KIFAP3: variants seen among roughly 807,000 people sequenced by gnomAD.
KIFAP3 encodes the protein kinesin-associated protein 3.
KIFAP3 carries 68 observed loss-of-function variants against 106.5 expected under a neutral mutation model. The ratio of observed to expected loss-of-function variants is 0.64; its 90% CI spans 0.53 to 0.78. The LOEUF is 0.78. Ranked by LOEUF, KIFAP3 falls within the 30% of genes least tolerant of loss-of-function variation. KIFAP3 has a pLI of 0.00. For synonymous variants in KIFAP3, 320 were observed against 311.5 expected, an observed-to-expected ratio of 1.03 and a Z score of -0.29; for missense variants, 780 against 941.8, an observed-to-expected ratio of 0.83 and a Z score of 2.25.
chr1:169,969,633 G>A (rs572105950), intron 17 of KIFAP3, among the ~76,000 whole-genome samples: 1 of 152,032 alleles, frequency 6.6e-6, no homozygotes, highest in Admixed American at 6.6e-5. Flanking sequence ...TCAGTGACAC[G>A]AACCTATGTC....
chr1:170,004,389 G>A (rs971619474), intron 10 of KIFAP3, among the ~76,000 whole-genome samples: 4 of 152,014 alleles, frequency 2.6e-5, no homozygotes, highest in Non-Finnish European at 4.4e-5. Flanking sequence ...AAAAGACCCC[G>A]CATTGCCAAG....
At chr1:170,070,081 A>T (rs939289717) in intron 1 of KIFAP3, among the ~76,000 whole-genome samples, 30 of 152,118 alleles carry the variant, frequency 2.0e-4, no homozygotes, top group African/African-American at 7.2e-4. Flanking sequence ...CATCAAAAAG[A>T]ATAAAATACT....
intron 18 of KIFAP3, among the ~76,000 whole-genome samples, chr1:169,956,733 C>G (rs978855441): frequency 6.6e-6 from 1 of 151,026 alleles, no homozygotes; most frequent in Admixed American, 6.6e-5. Context: ...TCCTGAGTAG[C>G]TGGGACTACA....
chr1:169,960,935 A>G, intron 18 of KIFAP3, 111 bp downstream of exon 18: 2 of 704,550 alleles, frequency 2.8e-6, no homozygotes, highest in South Asian at 4.6e-5. Context: ...TTAGCAGACC[A>G]TTCATAAACT....
At chr1:169,936,376 T>G (rs544918333) in intron 19 of KIFAP3, among the ~76,000 whole-genome samples, 1 of 152,004 alleles carries the variant, frequency 6.6e-6, no homozygotes, top group African/African-American at 2.4e-5. Flanking sequence ...AGGACTCTGA[T>G]GTGTTTCTAA....
In KIFAP3 at chr1:170,074,481, G is replaced by C. The variant is rs776905186; in HGVS notation, c.-14C>G. 1.7e-5 allele frequency: 27 copies of C among 1,613,868 alleles called. No homozygotes were observed. Among genetic ancestry groups the C allele is most frequent in the Non-Finnish European group, 2.2e-5 (26 of 1,179,960 alleles). ...CTCCCCTTGCATGGCGGCAGCGGCA[G>C]CGGCGTGGAGAGGATGGGGTATCTT... is the stretch of plus-strand genomic sequence containing the variant. On this transcript the variant is annotated 5_prime_UTR_variant, in exon 1 of 20. Coordinates refer to ENST00000361580, the MANE Select transcript of KIFAP3 (RefSeq NM_014970.4).
Position 170,038,445 on chromosome 1 carries a change from G to A in KIFAP3, c.376-14C>T. The A allele has an allele frequency of 6.2e-7, 1 of 1,603,802 alleles. No homozygotes were observed. The highest frequency in any genetic ancestry group is 8.5e-7 in the Non-Finnish European group (1 of 1,176,758). On this transcript the variant is annotated splice_polypyrimidine_tract_variant and intron_variant, in intron 4 of 19. Transcript: ENST00000361580. ...AACTTCATCAATCTGAAACAAAGAG[G>A]CAGAAAGTACTCATCAACAATGCTC...
chr1:169,932,689 AC>A (rs1663558513), intron 19 of KIFAP3, among the ~76,000 whole-genome samples: 1 of 138,878 alleles, frequency 7.2e-6, no homozygotes. Flanking sequence ...ATAACACCAG[AC>A]TTTTTTTTTT....
At chr1:170,076,216 G>C (rs1671905933), upstream of KIFAP3, among the ~76,000 whole-genome samples, 1 of 151,886 alleles carries the variant, frequency 6.6e-6, no homozygotes, top group African/African-American at 2.4e-5. Context: ...AAAAACAATA[G>C]CAACAACAAC....
chr1:169,986,112 T>C (rs1411292908), intron 11 of KIFAP3, among the ~76,000 whole-genome samples: 1 of 151,866 alleles, frequency 6.6e-6, no homozygotes, highest in South Asian at 2.1e-4. Context: ...GTTGGATTCA[T>C]GCCTTCATGA....
chr1:170,073,614 C>A (rs889854763), intron 1 of KIFAP3, among the ~76,000 whole-genome samples: 1 of 152,168 alleles, frequency 6.6e-6, no homozygotes, highest in Non-Finnish European at 1.5e-5. Flanking sequence ...CAAAGGAATA[C>A]ATGCGACTTT....
chr1:169,947,594 A>G (rs1346907185), intron 19 of KIFAP3, among the ~76,000 whole-genome samples: 1 of 151,912 alleles, frequency 6.6e-6, no homozygotes. Context: ...TAATAGACTT[A>G]TCTTAAAATA....
At chr1:170,043,214 C>T (rs1670072947) in intron 3 of KIFAP3, among the ~76,000 whole-genome samples, 1 of 152,110 alleles carries the variant, frequency 6.6e-6, no homozygotes, top group Non-Finnish European at 1.5e-5. Context: ...ATAAGAGTAA[C>T]TAATCTGGGA....
chr1:169,988,185 A>C (rs1220033229), intron 11 of KIFAP3, among the ~76,000 whole-genome samples: 1 of 152,052 alleles, frequency 6.6e-6, no homozygotes, highest in Admixed American at 6.6e-5. Context: ...TATTTTCTAA[A>C]AGTGAATTCT....
chr1:169,926,678 TGTGTACAC>T (rs1341751116), intron 19 of KIFAP3, among the ~76,000 whole-genome samples: 13 of 116,552 alleles, frequency 1.1e-4, no homozygotes, highest in African/African-American at 3.4e-4. Context: ...TACAGTTGTG[TGTGTACAC>T]ACACACACAC....
In KIFAP3 at chr1:170,023,073, T is replaced by C. The variant is rs146466249; in HGVS notation, c.1020+1345A>G. ...CTCTAACTACTCAGGACTGTTTATATACTACCATCTTATCATATTCTTCTT... is the reference window on the plus strand; with the variant it reads ...CTCTAACTACTCAGGACTGTTTATACACTACCATCTTATCATATTCTTCTT... On this transcript the variant is annotated intron_variant, in intron 9 of 19. Coordinates refer to ENST00000361580, the MANE Select transcript of KIFAP3 (RefSeq NM_014970.4). 4.7e-4 allele frequency among the ~76,000 whole-genome samples: 71 copies of C among 152,228 alleles called. 1 individual carries two copies. The East Asian group carries it at 6.2e-3, about 13-fold the overall frequency.
At chr1:169,990,601 A>G (rs1040935145) in intron 11 of KIFAP3, among the ~76,000 whole-genome samples, 5 of 152,160 alleles carry the variant, frequency 3.3e-5, no homozygotes, top group African/African-American at 1.2e-4. Flanking sequence ...TCATAATTCA[A>G]ATTAGTGGAA....
At chr1:170,026,828 C>T (rs567830476) in intron 8 of KIFAP3, among the ~76,000 whole-genome samples, 21 of 152,114 alleles carry the variant, frequency 1.4e-4, no homozygotes, top group African/African-American at 3.6e-4. Flanking sequence ...GTCTTACCTC[C>T]GTAGTGGGAA....
chr1:170,001,792 A>C (rs1440346296), intron 10 of KIFAP3, among the ~76,000 whole-genome samples: 1 of 152,148 alleles, frequency 6.6e-6, no homozygotes, highest in African/African-American at 2.4e-5. Flanking sequence ...AAAACACTTC[A>C]TTTTGCTTGG....
Sources: gnomAD v4.1 joint callset for allele counts (sites outside exome capture counted in the v4.1 genomes callset) on GRCh38, gnomAD v4.1.1 for gene constraint, MANE v1.5 for transcripts, NCBI Gene and HGNC (gene_info 2026-07-23, HGNC 2026-07-21) for gene names.